The following E2F3 variants were observed in gnomAD, a reference collection of about 807,000 sequenced individuals.
The protein encoded by E2F3 is transcription factor E2F3.
A neutral mutation model predicts 44.4 loss-of-function variants in E2F3; 11 were observed. The observed-to-expected ratio is 0.25, with a 90% CI of 0.16 to 0.41. The LOEUF (loss-of-function observed/expected upper bound fraction) is 0.41, where lower values mean the gene tolerates loss of function less well. Ranked by LOEUF, E2F3 falls within the 10% of genes least tolerant of loss-of-function variation. The pLI is 1.00. For missense variants in E2F3, 487 were observed against 583.6 expected (o/e 0.83, Z 1.70); for synonymous variants, 249 against 253.0 (o/e 0.98, Z 0.15).
chr6:20,461,870 C>T (rs1442006002), intron 1 of E2F3, among the ~76,000 whole-genome samples: 2 of 152,204 alleles, frequency 1.3e-5, no homozygotes, highest in Non-Finnish European at 2.9e-5. Context: ...GGGCCCTCCC[C>T]GTCAACCCCT....
intron 1 of E2F3, among the ~76,000 whole-genome samples, chr6:20,442,091 C>T (rs1471720927): frequency 6.6e-6 from 1 of 151,974 alleles, no homozygotes; most frequent in Non-Finnish European, 1.5e-5. Context: ...TCTGCCTGCC[C>T]CTTTGGTGTT....
chr6:20,448,694 G>A (rs993791600), intron 1 of E2F3, among the ~76,000 whole-genome samples: 6 of 152,132 alleles, frequency 3.9e-5, no homozygotes, highest in Admixed American at 3.3e-4. Flanking sequence ...AGAAGAGTAT[G>A]TTGTATTTCT....
At chr6:20,403,794 G>C (rs756168168) in intron 1 of E2F3, 1 of 1,475,224 alleles carries the variant, frequency 6.8e-7, no homozygotes, top group South Asian at 1.2e-5. Flanking sequence ...ACCTCCCCCC[G>C]GAGCCAGGCT....
chr6:20,475,744 C>T (rs924922442), intron 1 of E2F3, among the ~76,000 whole-genome samples: 1 of 152,118 alleles, frequency 6.6e-6, no homozygotes, highest in South Asian at 2.1e-4. Flanking sequence ...CTGCCTACCT[C>T]GGCCTCTCAA....
chr6:20,486,246 T>C (rs1009792324), intron 4 of E2F3, among the ~76,000 whole-genome samples: 1 of 152,180 alleles, frequency 6.6e-6, no homozygotes, highest in Non-Finnish European at 1.5e-5. Context: ...TGGGAGACCC[T>C]AAACATTTGC....
At chr6:20,436,275 C>A (rs1448513511) in intron 1 of E2F3, among the ~76,000 whole-genome samples, 1 of 152,160 alleles carries the variant, frequency 6.6e-6, no homozygotes, top group South Asian at 2.1e-4. Context: ...GCCACCATGC[C>A]TGGTCTAAAG....
intron 1 of E2F3, among the ~76,000 whole-genome samples, chr6:20,457,461 A>C (rs1242774694): frequency 6.7e-6 from 1 of 148,616 alleles, no homozygotes. Context: ...TGGTGGGATT[A>C]CAGGTGTCAA....
intron 1 of E2F3, among the ~76,000 whole-genome samples, chr6:20,428,326 C>A (rs796771101): frequency 6.6e-6 from 1 of 152,098 alleles, no homozygotes; most frequent in Non-Finnish European, 1.5e-5. Context: ...CGGATTCAAG[C>A]GATTTTCCTG....
At chr6:20,447,413 A>T (rs1469371251) in intron 1 of E2F3, among the ~76,000 whole-genome samples, 1 of 105,028 alleles carries the variant, frequency 9.5e-6, no homozygotes. Flanking sequence ...CAGACAACCC[A>T]CCCCCACCCC....
chr6:20,481,733 G>A (rs1762231380), intron 3 of E2F3, among the ~76,000 whole-genome samples: 1 of 152,126 alleles, frequency 6.6e-6, no homozygotes, highest in African/African-American at 2.4e-5. Flanking sequence ...TTACATAGAT[G>A]TCTGTGTGCA....
chr6:20,424,526 T>A (rs1250586694), intron 1 of E2F3, among the ~76,000 whole-genome samples: 3 of 152,114 alleles, frequency 2.0e-5, no homozygotes, highest in African/African-American at 7.2e-5. Flanking sequence ...CAGCACACTG[T>A]TTTGAATACA....
At chr6:20,408,700 G>A (rs1759569875) in intron 1 of E2F3, among the ~76,000 whole-genome samples, 1 of 152,164 alleles carries the variant, frequency 6.6e-6, no homozygotes, top group African/African-American at 2.4e-5. Flanking sequence ...GTAAACTAAG[G>A]CAGGGGTTTA....
intron 1 of E2F3, among the ~76,000 whole-genome samples, chr6:20,426,081 T>C (rs1760205814): frequency 6.6e-6 from 1 of 152,224 alleles, no homozygotes; most frequent in South Asian, 2.1e-4. Context: ...AATGAGTCCA[T>C]TTGAAATTGC....
chr6:20,468,363 G>T lies in E2F3; in HGVS notation c.394-11483G>T, dbSNP rs1271985364. On this transcript the variant is annotated intron_variant, in intron 1 of 6. Coordinates refer to ENST00000346618, the MANE Select transcript of E2F3 (RefSeq NM_001949.5). Reference sequence around the variant, plus strand: ...AGTTAATTTGCTAGAGCAGCTCACAGAACTCAGGAAACATTGAGGTTTACT... The same window carrying T: ...AGTTAATTTGCTAGAGCAGCTCACATAACTCAGGAAACATTGAGGTTTACT... Among the ~76,000 whole-genome samples, 3 of 152,230 alleles carry T rather than the reference G, an allele frequency of 2.0e-5. No homozygotes were observed. The South Asian group carries it at 6.2e-4, about 32-fold the overall frequency.
chr6:20,405,008 A>T (rs1207528962), intron 1 of E2F3, among the ~76,000 whole-genome samples: 1 of 152,194 alleles, frequency 6.6e-6, no homozygotes, highest in East Asian at 1.9e-4. Context: ...AGTTTTGATA[A>T]TGGGAAATTA....
At position 20,417,025 on chromosome 6, in the gene E2F3, C is replaced by T. The variant is rs191837310; in HGVS notation, c.393+14400C>T. On this transcript the variant is annotated intron_variant, in intron 1 of 6. Transcript: ENST00000346618. ...TGATATACAAGGAAGTTGCTTTCCC[C>T]ACTTTTCTCCAGACTTCTGGCATGT... is the stretch of plus-strand genomic sequence containing the variant. 7.2e-5 allele frequency among the ~76,000 whole-genome samples: 11 copies of T among 152,278 alleles called. No homozygotes were observed. The South Asian group carries it at 1.5e-3, about 20-fold the overall frequency.
chr6:20,476,890 G>A (rs921922973), intron 1 of E2F3, among the ~76,000 whole-genome samples: 41 of 152,314 alleles, frequency 2.7e-4, no homozygotes, highest in African/African-American at 9.4e-4. Flanking sequence ...GGAAGATGAA[G>A]TCCAGCAAGC....
intron 4 of E2F3, among the ~76,000 whole-genome samples, chr6:20,484,289 G>A (rs1762322358): frequency 6.6e-6 from 1 of 152,198 alleles, no homozygotes; most frequent in South Asian, 2.1e-4. Flanking sequence ...TGTAAGATTA[G>A]AAAATACATT....
intron 1 of E2F3, among the ~76,000 whole-genome samples, chr6:20,428,585 G>A (rs943875925): frequency 2.6e-5 from 4 of 152,134 alleles, no homozygotes; most frequent in African/African-American, 9.7e-5. Flanking sequence ...GACTGGGAAG[G>A]GAGCGGCTGA....
Sources: gnomAD v4.1 joint callset for allele counts (sites outside exome capture counted in the v4.1 genomes callset) on GRCh38, gnomAD v4.1.1 for gene constraint, MANE v1.5 for transcripts, NCBI Gene and HGNC (gene_info 2026-07-23, HGNC 2026-07-21) for gene names.